Variants in USP9X observed in about 807,000 individuals in gnomAD.
USP9X encodes the protein ubiquitin specific peptidase 9 X-linked.
In USP9X, 7 loss-of-function variants were observed where a neutral mutation model predicts 190.3. The ratio of observed to expected loss-of-function variants is 0.04; its 90% CI spans 0.02 to 0.07. The LOEUF (loss-of-function observed/expected upper bound fraction) is 0.07, where lower values mean the gene tolerates loss of function less well. Ranked by LOEUF, USP9X falls within the 10% of genes least tolerant of loss-of-function variation. The probability of loss-of-function intolerance (pLI) is 1.00; values close to 1 mark genes in which losing one functional copy is unlikely to be tolerated. For synonymous variants in USP9X, 645 were observed against 659.5 expected (o/e 0.98, Z 0.34); for missense variants, 1,010 against 1,916.9 (o/e 0.53, Z 8.83).
rs191134658 is a variant in USP9X at position 41,234,483 on chromosome X, C to T, written c.*1959C>T. The stretch of plus-strand genomic sequence containing the variant: ...TGTGCTTCTAGGTGTTCCTGTAGGA[C>T]ATTTTGACACCGATACTTTGAGTGA... On this transcript the variant is annotated 3_prime_UTR_variant, in exon 45 of 45. Coordinates refer to ENST00000378308, the MANE Select transcript of USP9X (RefSeq NM_001039591.3). 8.9e-6 allele frequency: 1 copy of T among 112,221 alleles called. No homozygotes were observed. The highest frequency in any genetic ancestry group is 3.2e-5 in the African/African-American group (1 of 30,912). The allele number at this position is 112,221 out of a possible 1,213,427, so 9.2% of individuals were successfully genotyped here.
chrX:41,208,113 A>G (rs1253094772), intron 32 of USP9X, among the ~76,000 whole-genome samples: 2 of 104,899 alleles, frequency 1.9e-5, no homozygotes, highest in Non-Finnish European at 3.9e-5. Flanking sequence ...GGCTCACGGT[A>G]ACCTCTGCCC....
At chrX:41,128,972 A>G in intron 2 of USP9X, 28 bp from the exon 3 acceptor site, 3 of 1,194,075 alleles carry the variant, frequency 2.5e-6, no homozygotes, top group Non-Finnish European at 3.4e-6. Context: ...TAGAAACTTA[A>G]ATGTGGAATG....
chrX:41,189,184 G>A, intron 25 of USP9X, 125 bp from the exon 26 acceptor site: 1 of 582,458 alleles, frequency 1.7e-6, no homozygotes. Flanking sequence ...TTAACATGCA[G>A]CCATGGAGAG....
At chrX:41,194,832 A>G (rs778263610) in intron 26 of USP9X, among the ~76,000 whole-genome samples, 1 of 110,958 alleles carries the variant, frequency 9.0e-6, no homozygotes, top group South Asian at 3.8e-4. Context: ...GCCAGACACT[A>G]TTCTAGGTTC....
intron 1 of USP9X, among the ~76,000 whole-genome samples, chrX:41,099,936 T>A (rs958337747): frequency 1.8e-5 from 2 of 111,922 alleles, no homozygotes; most frequent in Non-Finnish European, 1.9e-5. Context: ...TTACTCCCTT[T>A]CCAAGCTTTT....
intron 31 of USP9X, 77 bp downstream of exon 31, chrX:41,201,357 T>A: frequency 3.1e-6 from 3 of 959,135 alleles, no homozygotes; most frequent in South Asian, 2.1e-5. Flanking sequence ...AAGAGAGTGT[T>A]ATACTTTCAT....
At chrX:41,161,996 A>G (rs756965929) in intron 14 of USP9X, among the ~76,000 whole-genome samples, 2 of 111,092 alleles carry the variant, frequency 1.8e-5, no homozygotes, top group Non-Finnish European at 3.8e-5. Flanking sequence ...GCATATTCCA[A>G]TATATGTGGA....
chrX:41,147,450 GTT>G (rs760854080), intron 11 of USP9X, among the ~76,000 whole-genome samples: 1,961 of 69,602 alleles, frequency 0.028, 38 homozygotes, highest in African/African-American at 0.1. Flanking sequence ...CTTAATCGTT[GTT>G]TTTTTTTTTT....
intron 21 of USP9X, among the ~76,000 whole-genome samples, chrX:41,180,352 A>G (rs1275168481): frequency 8.9e-6 from 1 of 112,824 alleles, no homozygotes; most frequent in African/African-American, 3.2e-5. Flanking sequence ...CAAACCCACC[A>G]CTGAATCCTT....
At chrX:41,228,676 G>C (rs1364634761) in intron 41 of USP9X, among the ~76,000 whole-genome samples, 1 of 111,285 alleles carries the variant, frequency 9.0e-6, no homozygotes, top group Admixed American at 9.7e-5. Context: ...TTCACTTCAG[G>C]TAATGTGTTT....
At chrX:41,094,952 A>G (rs1455595327) in intron 1 of USP9X, among the ~76,000 whole-genome samples, 2 of 109,616 alleles carry the variant, frequency 1.8e-5, no homozygotes, top group Non-Finnish European at 3.8e-5. Flanking sequence ...AGGCTGGAGA[A>G]TCCCTTGAAC....
rs138606577 is a variant in USP9X at position 41,211,271 on chromosome X, G to A, written c.5189+589G>A. 4.2e-4 allele frequency among the ~76,000 whole-genome samples: 47 copies of A among 112,435 alleles called. No individual in the cohort carries two copies. The East Asian group carries it at 6.1e-3, about 15-fold the overall frequency. Reference sequence around the variant, plus strand: ...TTCCCAAAGTGTTGAGATGACAGGCGTGAGCCACTGCGCCTGGCCTACTCT... The same window carrying A: ...TTCCCAAAGTGTTGAGATGACAGGCATGAGCCACTGCGCCTGGCCTACTCT... On this transcript the variant is annotated intron_variant, in intron 33 of 44. Coordinates refer to ENST00000378308, the MANE Select transcript of USP9X (RefSeq NM_001039591.3).
At chrX:41,166,447 G>A (rs1330045405) in intron 16 of USP9X, among the ~76,000 whole-genome samples, 2 of 111,302 alleles carry the variant, frequency 1.8e-5, no homozygotes, top group Non-Finnish European at 3.8e-5. Flanking sequence ...TAGTATCTGT[G>A]TATTCCATAG....
At chrX:41,157,730 G>A (rs759188284) in intron 14 of USP9X, among the ~76,000 whole-genome samples, 3 of 111,475 alleles carry the variant, frequency 2.7e-5, no homozygotes, top group Non-Finnish European at 5.7e-5. Flanking sequence ...CAAAAATTGA[G>A]GCATGCAAAC....
At position 41,218,574 on chromosome X, in the gene USP9X, G is replaced by A; in HGVS notation, c.6412G>A (p.Ala2138Thr). 4.1e-6 allele frequency: 5 copies of A among 1,210,262 alleles called. No individual in the cohort carries two copies. The highest frequency in any genetic ancestry group is 5.6e-6 in the Non-Finnish European group (5 of 894,488). ...LQDGPCPSPFASPGPSSQAYD... is the reference protein window; with the variant it reads ...LQDGPCPSPFTSPGPSSQAYD... ...AGATGGGCCATGTCCTTCACCTTTT[G>A]CCTCTCCTGGACCTTCTAGTCAGGT... The change falls in exon 37 of 45, where the codon GCC becomes ACC. Residue 2138 changes from alanine (A) to threonine (T), a missense_variant. Physicochemically the swap from Ala to Thr is moderately conservative, Grantham distance 58. This residue lies in a region of USP9X where 121 missense variants were observed against 281.2 expected (regional missense o/e 0.43). Coordinates refer to ENST00000378308, the MANE Select transcript of USP9X (RefSeq NM_001039591.3).
chrX:41,099,617 AC>A (rs2062021338), intron 1 of USP9X, among the ~76,000 whole-genome samples: 1 of 111,979 alleles, frequency 8.9e-6, no homozygotes, highest in Non-Finnish European at 1.9e-5. Context: ...ACTCTTGCTT[AC>A]CTATAAAATT....
intron 3 of USP9X, among the ~76,000 whole-genome samples, chrX:41,129,699 T>G (rs1285185603): frequency 9.0e-6 from 1 of 111,616 alleles, no homozygotes; most frequent in Non-Finnish European, 1.9e-5. Context: ...GAAAAAGATT[T>G]CAAGAGGCTA....
At chrX:41,157,432 G>A (rs761324099) in intron 14 of USP9X, among the ~76,000 whole-genome samples, 1 of 110,745 alleles carries the variant, frequency 9.0e-6, no homozygotes, top group East Asian at 2.8e-4. Context: ...GCCAATAAGG[G>A]GCTTATACTG....
chrX:41,176,855 CAG>C (rs2062779226), intron 21 of USP9X, among the ~76,000 whole-genome samples: 1 of 112,271 alleles, frequency 8.9e-6, no homozygotes, highest in Non-Finnish European at 1.9e-5. Context: ...TATAGCATAA[CAG>C]ACTGTAATTA....
Sources: allele counts gnomAD v4.1 joint callset (sites outside exome capture counted in the v4.1 genomes callset), GRCh38; gene constraint gnomAD v4.1.1; regional missense constraint gnomAD v4.1.1; transcripts MANE v1.5; gene names NCBI Gene and HGNC (gene_info 2026-07-23, HGNC 2026-07-21).